The following DIXDC1 variants were observed in gnomAD, a reference collection of about 807,000 sequenced individuals.
The protein encoded by DIXDC1 is DIX domain containing 1.
A neutral mutation model predicts 103.1 loss-of-function variants in DIXDC1; 64 were observed. The ratio of observed to expected loss-of-function variants is 0.62; its 90% CI spans 0.51 to 0.76. DIXDC1 has a LOEUF of 0.76. DIXDC1 is among the 30% of genes least tolerant of loss of function. The pLI is 0.00. For synonymous variants in DIXDC1, 266 were observed against 298.5 expected (o/e 0.89, Z 1.12); for missense variants, 759 against 834.2 (o/e 0.91, Z 1.11).
upstream of DIXDC1, among the ~76,000 whole-genome samples, chr11:111,936,986 C>CGT (rs1402965978): frequency 2.7e-5 from 4 of 146,056 alleles, no homozygotes; most frequent in South Asian, 2.1e-4. Context: ...TGTTTGTCAA[C>CGT]GTGTGTGTGT....
chr11:111,982,282 T>C (rs1294042704), intron 6 of DIXDC1, 57 bp from the exon 7 acceptor site: 1 of 1,576,746 alleles, frequency 6.3e-7, no homozygotes, highest in Non-Finnish European at 8.6e-7. Context: ...GTGAACGCTG[T>C]CTGCTGGAAA....
intron 2 of DIXDC1, among the ~76,000 whole-genome samples, chr11:111,967,487 C>T (rs1310955374): frequency 1.3e-5 from 2 of 152,228 alleles, no homozygotes; most frequent in Admixed American, 1.3e-4. Flanking sequence ...CAGCCTCTTC[C>T]ACTCTAGCCC....
chr11:112,012,851 G>A (rs959832153), intron 17 of DIXDC1, among the ~76,000 whole-genome samples: 2 of 151,972 alleles, frequency 1.3e-5, no homozygotes, highest in Admixed American at 6.6e-5. Context: ...CATCTGAATC[G>A]ACTTTTCACT....
chr11:111,931,181 A>T (rs1966003394), intron 2 of DIXDC1, among the ~76,000 whole-genome samples: 1 of 151,938 alleles, frequency 6.6e-6, no homozygotes, highest in Admixed American at 6.6e-5. Flanking sequence ...CAAAAAATTT[A>T]AAAATTTGCT....
chr11:111,982,277 C>T lies in DIXDC1; in HGVS notation c.770-62C>T, dbSNP rs587661198. 2.6e-5 allele frequency: 40 copies of T among 1,563,210 alleles called. 1 individual carries two copies. In the South Asian group the frequency reaches 2.9e-4, roughly 11 times the overall value. On this transcript the variant is annotated intron_variant, in intron 6 of 19. Transcript: ENST00000440460. ...GAACCTGTGAACGCTACCCTGTGAA[C>T]GCTGTCTGCTGGAAATCAGTTTTCT...
chr11:111,976,686 G>A lies in DIXDC1; in HGVS notation c.656+1703G>A, dbSNP rs1340531449. On this transcript the variant is annotated intron_variant, in intron 5 of 19. Coordinates refer to ENST00000440460, the MANE Select transcript of DIXDC1 (RefSeq NM_001037954.4). The surrounding 1 kb of genome is among the most constrained non-coding windows in gnomAD (Gnocchi z 4.3). ...CCCCCAGATGTGGCTTGCTCAGGAC[G>A]GGAGTGGCTCAGAAGGAAGGATAGC... 6.6e-6 allele frequency among the ~76,000 whole-genome samples: 1 copy of A among 152,096 alleles called. No homozygotes were observed. The highest frequency in any genetic ancestry group is 1.5e-5 in the Non-Finnish European group (1 of 68,002).
rs781994869 is a variant in DIXDC1, at chr11:111,995,396, C to T, written c.1528-7C>T. ...CCATGCCAGCAACACCTTATTTTTG[C>T]CCACAGACCAGCGACCTGCAGCTTG... is the stretch of plus-strand genomic sequence containing the variant. On this transcript the variant is annotated splice_region_variant and splice_polypyrimidine_tract_variant and intron_variant, in intron 15 of 19. Coordinates refer to ENST00000440460, the MANE Select transcript of DIXDC1 (RefSeq NM_001037954.4). 2 of 1,610,360 alleles carry T rather than the reference C, an allele frequency of 1.2e-6. 1 individual carries two copies. The highest frequency in any genetic ancestry group is 2.2e-5 in the South Asian group (2 of 91,014).
upstream of DIXDC1, among the ~76,000 whole-genome samples, chr11:111,933,663 AGT>A (rs1259178409): frequency 7.6e-6 from 1 of 132,386 alleles, no homozygotes. Flanking sequence ...TGGGCAGCAG[AGT>A]GAGATGATCT....
At chr11:111,961,301 G>C (rs1859569375) in intron 1 of DIXDC1, among the ~76,000 whole-genome samples, 1 of 152,240 alleles carries the variant, frequency 6.6e-6, no homozygotes. Flanking sequence ...AGCCTCAGCA[G>C]TGCATTTATT....
upstream of DIXDC1, among the ~76,000 whole-genome samples, chr11:111,932,640 G>C (rs1966066445): frequency 6.6e-6 from 1 of 151,390 alleles, no homozygotes; most frequent in African/African-American, 2.4e-5. Flanking sequence ...TATCTGCTTT[G>C]GTGTGGTTTA....
rs587669552 is a variant in DIXDC1 at position 111,943,979 on chromosome 11, A to G, written c.60+6420A>G. Reference sequence around the variant, plus strand: ...TTTATTTGTACCCAATTAGCCATCAAATTCAATGAACAAATAGCTTTTGCA... The same window carrying G: ...TTTATTTGTACCCAATTAGCCATCAGATTCAATGAACAAATAGCTTTTGCA... On this transcript the variant is annotated intron_variant, in intron 1 of 19. Transcript: ENST00000440460. Among the ~76,000 whole-genome samples, 4 of 152,346 alleles carry G rather than the reference A, an allele frequency of 2.6e-5. No individual in the cohort carries two copies. The East Asian group carries it at 5.8e-4, about 22-fold the overall frequency.
At chr11:112,003,823 G>A (rs1555176257) in intron 17 of DIXDC1, among the ~76,000 whole-genome samples, 1 of 151,530 alleles carries the variant, frequency 6.6e-6, no homozygotes, top group Non-Finnish European at 1.5e-5. Context: ...AAAGATAAAT[G>A]TTTGAGGTGA....
chr11:111,987,204 C>T (rs1304259560), intron 9 of DIXDC1, among the ~76,000 whole-genome samples: 1 of 151,308 alleles, frequency 6.6e-6, no homozygotes, highest in African/African-American at 2.4e-5. Flanking sequence ...GAGCAGAGAT[C>T]GTGCCACTAC....
intron 17 of DIXDC1, among the ~76,000 whole-genome samples, chr11:112,004,491 A>C (rs1300046836): frequency 4.6e-5 from 7 of 152,232 alleles, no homozygotes; most frequent in Non-Finnish European, 1.0e-4. Flanking sequence ...TCTTGGACTC[A>C]GATTGTAAGA....
chr11:111,938,505 A>G (rs1343789044), intron 1 of DIXDC1, among the ~76,000 whole-genome samples: 1 of 152,150 alleles, frequency 6.6e-6, no homozygotes, highest in African/African-American at 2.4e-5. Context: ...TTTTAAAATC[A>G]GTTTTTACTC....
chr11:111,983,588 G>T (rs1860395088), intron 7 of DIXDC1, among the ~76,000 whole-genome samples: 1 of 152,182 alleles, frequency 6.6e-6, no homozygotes, highest in South Asian at 2.1e-4. Context: ...TAGGAAGTAT[G>T]TCATGGAGAA....
chr11:111,965,207 C>A (rs1056799639), intron 2 of DIXDC1, among the ~76,000 whole-genome samples: 4 of 152,064 alleles, frequency 2.6e-5, no homozygotes, highest in Non-Finnish European at 4.4e-5. Flanking sequence ...CCTCTTGAAC[C>A]CTGGGGTTGT....
chr11:112,016,241 G>C (rs183891515), intron 17 of DIXDC1: 1 of 153,422 alleles, frequency 6.5e-6, no homozygotes, highest in Non-Finnish European at 1.4e-5. Flanking sequence ...CTTGGGATCT[G>C]AGTTTCTAAG....
rs1861633963 is a variant in DIXDC1 at position 112,017,651 on chromosome 11, G to A, written c.1863-126G>A. ...TGTTTTAGTCATCTGGGTTATCGGGGCAGTGACCTAACAAGGGGCTATTTC... is the reference window on the plus strand; with the variant it reads ...TGTTTTAGTCATCTGGGTTATCGGGACAGTGACCTAACAAGGGGCTATTTC... On this transcript the variant is annotated intron_variant, in intron 18 of 19. Coordinates refer to ENST00000440460, the MANE Select transcript of DIXDC1 (RefSeq NM_001037954.4). This position sits in a 1 kb window ranked among gnomAD's most constrained non-coding sequence, Gnocchi z 4.0. 1.5e-6 allele frequency: 1 copy of A among 662,018 alleles called. No homozygotes were observed. Among genetic ancestry groups the A allele is most frequent in the Non-Finnish European group, 2.6e-6 (1 of 381,046 alleles). 41.0% of individuals were successfully genotyped at this position (662,018 alleles called of 1,614,324 possible). A position where few individuals can be genotyped will look rare whatever the true frequency, so the allele number is the denominator to read the frequency against.
Sources: gnomAD v4.1 joint callset for allele counts (sites outside exome capture counted in the v4.1 genomes callset) on GRCh38, gnomAD v4.1.1 for gene constraint, Gnocchi (gnomAD v3.1) non-coding constraint, MANE v1.5 for transcripts, NCBI Gene and HGNC (gene_info 2026-07-23, HGNC 2026-07-21) for gene names.